The following MCCC2 variants were observed in gnomAD, a reference collection of about 807,000 sequenced individuals.
MCCC2 encodes the protein methylcrotonoyl-CoA carboxylase beta chain, mitochondrial.
A neutral mutation model predicts 77.2 loss-of-function variants in MCCC2; 52 were observed. The ratio of observed to expected loss-of-function variants is 0.67; its 90% CI spans 0.54 to 0.85. The LOEUF (loss-of-function observed/expected upper bound fraction) is 0.85, where lower values mean the gene tolerates loss of function less well. MCCC2 is among the 40% of genes least tolerant of loss of function. The probability of loss-of-function intolerance (pLI) is 0.00; values close to 1 mark genes in which losing one functional copy is unlikely to be tolerated. For synonymous variants in MCCC2, 253 were observed against 248.4 expected (o/e 1.02, Z -0.18); for missense variants, 682 against 703.2 (o/e 0.97, Z 0.34).
rs12516456 is a variant in MCCC2 at position 71,626,789 on chromosome 5, G to A, written c.738+36G>A. On this transcript the variant is annotated intron_variant, in intron 7 of 16. Coordinates refer to ENST00000340941, the MANE Select transcript of MCCC2 (RefSeq NM_022132.5). ...AAGAACGTTGGTCGATGGAAATTAAGTATGCAGAACATAAAATACACCATT... is the reference window on the plus strand; with the variant it reads ...AAGAACGTTGGTCGATGGAAATTAAATATGCAGAACATAAAATACACCATT... 1,303,932 of 1,564,112 alleles carry A rather than the reference G, an allele frequency of 0.83. 544,577 individuals carry two copies. The highest frequency in any genetic ancestry group is 0.89 in the Admixed American group (53,471 of 59,772).
chr5:71,617,864 C>G (rs1746219509), intron 6 of MCCC2, among the ~76,000 whole-genome samples: 1 of 152,138 alleles, frequency 6.6e-6, no homozygotes, highest in Non-Finnish European at 1.5e-5. Context: ...ATCTTTGCTG[C>G]TATAAAAATG....
In MCCC2 at chr5:71,607,883, G is replaced by A. The variant is rs1474524873; in HGVS notation, c.624+3415G>A. Among the ~76,000 whole-genome samples the A allele has an allele frequency of 2.3e-5, 3 of 132,388 alleles. No homozygotes were observed. The East Asian group carries it at 6.6e-4, about 29-fold the overall frequency. The allele number at this position is 132,388 out of a possible 152,430, so 86.9% of individuals were successfully genotyped here. On this transcript the variant is annotated intron_variant, in intron 6 of 16. Transcript: ENST00000340941. ...TGTTCAGTTTCCATGTAGTTGAGCA[G>A]TTTTGAGTGAGATTCTTAATCCTGA...
intron 6 of MCCC2, among the ~76,000 whole-genome samples, chr5:71,618,083 A>G (rs570650190): frequency 2.6e-4 from 40 of 152,226 alleles, no homozygotes; most frequent in African/African-American, 8.7e-4. Flanking sequence ...TGTCATGAGA[A>G]TGCCTTCTCT....
At chr5:71,629,250 T>C (rs553126831) in intron 7 of MCCC2, among the ~76,000 whole-genome samples, 1 of 151,978 alleles carries the variant, frequency 6.6e-6, no homozygotes, top group Non-Finnish European at 1.5e-5. Context: ...AATAAATGAT[T>C]TTACTTCTAT....
intron 12 of MCCC2, 107 bp downstream of exon 12, chr5:71,644,002 C>A: frequency 3.0e-6 from 4 of 1,323,978 alleles, no homozygotes; most frequent in Non-Finnish European, 3.2e-6. Context: ...TAACTAGATG[C>A]CTCAGCAACC....
intron 4 of MCCC2, 80 bp from the exon 5 acceptor site, chr5:71,602,425 AT>A (rs1267756196): frequency 3.8e-6 from 6 of 1,569,480 alleles, no homozygotes; most frequent in Non-Finnish European, 5.3e-6. Context: ...TGAAGGTTGT[AT>A]TGGGGTATCT....
chr5:71,639,995 C>G (rs1747069606), intron 10 of MCCC2, among the ~76,000 whole-genome samples: 1 of 152,136 alleles, frequency 6.6e-6, no homozygotes, highest in South Asian at 2.1e-4. Context: ...GAAGTGCAAA[C>G]TATGTAGAAA....
chr5:71,649,067 C>G (rs1419264861), intron 13 of MCCC2, 30 bp from the exon 14 acceptor site: 4 of 1,613,664 alleles, frequency 2.5e-6, no homozygotes, highest in Non-Finnish European at 8.5e-7. Context: ...TCCCATCACC[C>G]AGAGGCTCTC....
At chr5:71,643,754 T>C (rs1281952040) in intron 11 of MCCC2, 65 bp from the exon 12 acceptor site, 2 of 1,613,454 alleles carry the variant, frequency 1.2e-6, no homozygotes, top group East Asian at 2.2e-5. Context: ...AATATGCCTC[T>C]TTCTTGTGAA....
At position 71,587,497 on chromosome 5, in the gene MCCC2, C is replaced by T. The variant is rs374686220; in HGVS notation, c.72C>T (p.His24=). 12 of 1,537,996 alleles carry T rather than the reference C, an allele frequency of 7.8e-6. No individual in the cohort carries two copies. In the African/African-American group the frequency reaches 1.4e-4, roughly 18 times the overall value. The change falls in exon 1 of 17, where the codon CAC becomes CAT. Residue 24 remains histidine (H), a synonymous_variant. Transcript: ENST00000340941. ...RASPAGPRAY[H]GDSVASLGTQ... ...CTCCCGCCGGGCCGCGCGCCTATCA[C>T]GGGGACTCGGTGGCCTCGCTGGGCA...
In MCCC2 at chr5:71,624,689, CTTTCTTTTTTTTTTT is replaced by C. The variant is rs1333472979; in HGVS notation, c.625-1947_625-1933del. 6.1e-4 allele frequency among the ~76,000 whole-genome samples: 59 copies of C among 96,796 alleles called. 1 individual carries two copies. The highest frequency in any genetic ancestry group is 2.2e-3 in the African/African-American group (54 of 24,136). 63.5% of individuals were successfully genotyped at this position (96,796 alleles called of 152,430 possible). A position where few individuals can be genotyped will look rare whatever the true frequency, so the allele number is the denominator to read the frequency against. On this transcript the variant is annotated intron_variant, in intron 6 of 16. Transcript: ENST00000340941. ...ACCACACCCAGCCCCTGCTTTCTTT[CTTTCTTTTTTTTTTT>C]TTTTTTTTGAGATGGAGTCTTGCTT...
intron 6 of MCCC2, among the ~76,000 whole-genome samples, chr5:71,612,486 A>G (rs2112365681): frequency 6.6e-6 from 1 of 152,330 alleles, no homozygotes; most frequent in South Asian, 2.1e-4. Context: ...CATTATCTAT[A>G]TGAAATTCGT....
chr5:71,654,959 C>T lies in MCCC2; in HGVS notation c.1575-1784C>T, dbSNP rs567369669. Among the ~76,000 whole-genome samples the T allele has an allele frequency of 4.1e-4, 62 of 152,064 alleles. 1 individual carries two copies. In the South Asian group the frequency reaches 7.7e-3, roughly 19 times the overall value. ...AAGGGATTCTCCTGCCTCAGCCTCCCGAGTAGCTGGGATTACAGGCGTGTG... is the reference window on the plus strand; with the variant it reads ...AAGGGATTCTCCTGCCTCAGCCTCCTGAGTAGCTGGGATTACAGGCGTGTG... On this transcript the variant is annotated intron_variant, in intron 16 of 16. Transcript: ENST00000340941.
At chr5:71,593,564 T>TC (rs1483207466) in intron 2 of MCCC2, among the ~76,000 whole-genome samples, 5 of 149,318 alleles carry the variant, frequency 3.3e-5, no homozygotes, top group African/African-American at 1.2e-4. Context: ...TTTTATTAAT[T>TC]TTTTTTTTAA....
At chr5:71,596,212 T>C (rs1288944332) in intron 2 of MCCC2, 68 bp from the exon 3 acceptor site, 2 of 1,323,244 alleles carry the variant, frequency 1.5e-6, no homozygotes, top group Non-Finnish European at 2.2e-6. Context: ...TTAAGTATTA[T>C]GTTTTTCTGG....
chr5:71,643,846 TAGG>T lies in MCCC2; in HGVS notation c.1101_1103del (p.Gly368del). ...TTTGCTCGAATATTTGGGTACCCAGTAGGTATCGTTGGAAACAACGGAGTTCTC... is the reference window on the plus strand; with the variant it reads ...TTTGCTCGAATATTTGGGTACCCAGTTATCGTTGGAAACAACGGAGTTCTC... On this transcript the variant is annotated inframe_deletion, in exon 12 of 17. Coordinates refer to ENST00000340941, the MANE Select transcript of MCCC2 (RefSeq NM_022132.5). The T allele has an allele frequency of 1.2e-6, 2 of 1,614,114 alleles. No individual in the cohort carries two copies. The highest frequency in any genetic ancestry group is 2.2e-5 in the South Asian group (2 of 91,082).
chr5:71,609,526 G>C (rs1404249786), intron 6 of MCCC2, among the ~76,000 whole-genome samples: 1 of 149,862 alleles, frequency 6.7e-6, no homozygotes, highest in Non-Finnish European at 1.5e-5. Flanking sequence ...TCCTCCCGTA[G>C]CTCAGAGTAA....
rs34090014 is a variant in MCCC2 at position 71,622,270 on chromosome 5, T to TAA, written c.625-4361_625-4360dup. Among the ~76,000 whole-genome samples the TAA allele has an allele frequency of 1.5e-4, 22 of 147,914 alleles. 1 individual carries two copies. The highest frequency in any genetic ancestry group is 4.3e-4 in the South Asian group (2 of 4,654). On this transcript the variant is annotated intron_variant, in intron 6 of 16. Coordinates refer to ENST00000340941, the MANE Select transcript of MCCC2 (RefSeq NM_022132.5). ...CAACATGGCAAAACGCCATCTCTACTAAAAAAAAAACAAAACAAAACTCAG... is the reference window on the plus strand; with the variant it reads ...CAACATGGCAAAACGCCATCTCTACTAAAAAAAAAAAACAAAACAAAACTCAG...
intron 6 of MCCC2, among the ~76,000 whole-genome samples, chr5:71,606,097 T>G (rs989424547): frequency 2.6e-5 from 4 of 152,088 alleles, no homozygotes; most frequent in Admixed American, 2.6e-4. Flanking sequence ...AGTAGTTTTT[T>G]CCAATTCTGT....
Sources: allele counts gnomAD v4.1 joint callset (sites outside exome capture counted in the v4.1 genomes callset), GRCh38; gene constraint gnomAD v4.1.1; transcripts MANE v1.5; gene names NCBI Gene and HGNC (gene_info 2026-07-23, HGNC 2026-07-21).